The following ATP9A variants were observed in gnomAD, a reference collection of about 807,000 sequenced individuals.
The protein encoded by ATP9A is probable phospholipid-transporting ATPase IIA.
In ATP9A, 52 loss-of-function variants were observed where a neutral mutation model predicts 144.1. That is an observed-to-expected ratio of 0.36 (90% CI 0.29 to 0.45). The LOEUF (loss-of-function observed/expected upper bound fraction) is 0.45. Among genes scored for constraint, ATP9A ranks in the 20% least tolerant of loss-of-function variants. ATP9A has a pLI of 1.00. For synonymous variants in ATP9A, 582 were observed against 557.4 expected (o/e 1.04, Z -0.62); for missense variants, 947 against 1,392.7 (o/e 0.68, Z 5.09).
intron 22 of ATP9A, among the ~76,000 whole-genome samples, chr20:51,614,862 G>A (rs534953313): frequency 2.6e-5 from 4 of 152,160 alleles, no homozygotes; most frequent in African/African-American, 4.8e-5. Context: ...AGAGAGAAAC[G>A]TGTTCTACAA....
intron 18 of ATP9A, among the ~76,000 whole-genome samples, chr20:51,623,801 A>AG (rs1555829565): frequency 7.5e-6 from 1 of 133,390 alleles, no homozygotes; most frequent in Non-Finnish European, 1.5e-5. Context: ...AAAAAAAAAA[A>AG]AAAGAAAGAA....
intron 1 of ATP9A, among the ~76,000 whole-genome samples, chr20:51,746,441 G>A (rs1851095666): frequency 6.6e-6 from 1 of 152,238 alleles, no homozygotes; most frequent in African/African-American, 2.4e-5. Context: ...GCTCACGCCT[G>A]TAATCCCAGA....
chr20:51,690,671 T>G, intron 8 of ATP9A, 68 bp downstream of exon 8: 2 of 1,338,848 alleles, frequency 1.5e-6, no homozygotes, highest in Non-Finnish European at 2.1e-6. Context: ...TGTCAGTACT[T>G]CTTGGCCTTC....
At chr20:51,682,640 G>A (rs1209171768) in intron 9 of ATP9A, among the ~76,000 whole-genome samples, 5 of 122,228 alleles carry the variant, frequency 4.1e-5, no homozygotes, top group African/African-American at 1.5e-4. Flanking sequence ...GCCCAGGTTT[G>A]GGGTGCAATG....
At chr20:51,673,842 G>A (rs761266110) in intron 11 of ATP9A, among the ~76,000 whole-genome samples, 27 of 152,064 alleles carry the variant, frequency 1.8e-4, no homozygotes, top group Non-Finnish European at 3.2e-4. Context: ...CTGAGGTCAG[G>A]AGTTCAAGAC....
At chr20:51,607,664 C>T (rs955213522) in intron 25 of ATP9A, 80 bp from the exon 26 acceptor site, 25 of 1,163,908 alleles carry the variant, frequency 2.1e-5, no homozygotes, top group South Asian at 6.5e-5. Context: ...ACGTTATTCT[C>T]CCGCTAACGA....
intron 15 of ATP9A, among the ~76,000 whole-genome samples, chr20:51,637,739 T>C (rs111857796): frequency 0.014 from 2,074 of 151,184 alleles, 45 homozygotes; most frequent in African/African-American, 0.047. Context: ...GGGGAACACA[T>C]GGTGTTTGGT....
intron 11 of ATP9A, 133 bp from the exon 12 acceptor site, chr20:51,671,390 C>T: frequency 2.0e-6 from 2 of 986,114 alleles, no homozygotes; most frequent in South Asian, 3.4e-5. Flanking sequence ...ACTGCCAGAG[C>T]TGAACGCACA....
At position 51,598,245 on chromosome 20, in the gene ATP9A, CCT is replaced by C. The variant is rs760793516; in HGVS notation, c.*2964_*2965del. 1.3e-5 allele frequency: 2 copies of C among 152,012 alleles called. No homozygotes were observed. Among genetic ancestry groups the C allele is most frequent in the Admixed American group, 6.5e-5 (1 of 15,274 alleles). The allele number at this position is 152,012 out of a possible 1,614,324, so 9.4% of individuals were successfully genotyped here. On this transcript the variant is annotated 3_prime_UTR_variant, in exon 28 of 28. Transcript: ENST00000338821. ...AGAAACCAAATAGATCCTGCTTCCC[CCT>C]GTCACACAACCATCATCAAAAGACA...
chr20:51,639,073 G>A (rs1049809304), intron 15 of ATP9A, among the ~76,000 whole-genome samples: 2 of 152,100 alleles, frequency 1.3e-5, no homozygotes, highest in Non-Finnish European at 2.9e-5. Context: ...TTAAACAAAA[G>A]AGAATGAGAG....
intron 2 of ATP9A, 34 bp from the exon 3 acceptor site, chr20:51,725,966 C>A: frequency 8.0e-7 from 1 of 1,242,682 alleles, no homozygotes; most frequent in Non-Finnish European, 1.2e-6. Context: ...GAAAGACATT[C>A]AGGGCTTGTC....
chr20:51,621,960 C>A (rs2122724433), intron 19 of ATP9A, 114 bp downstream of exon 19: 1 of 898,714 alleles, frequency 1.1e-6, no homozygotes, highest in Non-Finnish European at 1.8e-6. Context: ...TGCTCCCCAC[C>A]CTAGGTAATT....
chr20:51,621,534 A>G (rs1349591256), intron 19 of ATP9A, among the ~76,000 whole-genome samples: 1 of 152,104 alleles, frequency 6.6e-6, no homozygotes, highest in Non-Finnish European at 1.5e-5. Context: ...GCAGTTCCTG[A>G]TGTGCACATT....
At chr20:51,630,767 T>A (rs1194034876) in intron 15 of ATP9A, among the ~76,000 whole-genome samples, 1 of 152,178 alleles carries the variant, frequency 6.6e-6, no homozygotes, top group Non-Finnish European at 1.5e-5. Context: ...CCCAGTCCCA[T>A]GAACACCCCC....
intron 11 of ATP9A, among the ~76,000 whole-genome samples, chr20:51,671,804 C>T (rs2426374): frequency 0.49 from 72,879 of 149,530 alleles, 18,343 homozygotes; most frequent in East Asian, 0.78. Flanking sequence ...AATTTGACTA[C>T]TTTTTTTTTT....
chr20:51,619,142 C>A (rs939003681), intron 19 of ATP9A, 99 bp from the exon 20 acceptor site: 1 of 1,023,484 alleles, frequency 9.8e-7, no homozygotes, highest in Non-Finnish European at 1.5e-6. Context: ...CAACGGCCAC[C>A]CCAGCCAAGG....
In ATP9A at chr20:51,599,727, G is replaced by A. The variant is rs2077134135; in HGVS notation, c.*1484C>T. 6.6e-6 allele frequency: 1 copy of A among 152,216 alleles called. No homozygotes were observed. Among genetic ancestry groups the A allele is most frequent in the African/African-American group, 2.4e-5 (1 of 41,440 alleles). The allele number at this position is 152,216 out of a possible 1,614,324, so 9.4% of individuals were successfully genotyped here. On this transcript the variant is annotated 3_prime_UTR_variant, in exon 28 of 28. Coordinates refer to ENST00000338821, the MANE Select transcript of ATP9A (RefSeq NM_006045.3). Reference sequence around the variant, plus strand: ...CAAGAGCAGGAGTTAGTAGGCATCAGAAACCAGGCTGTGATGTACATCTCT... The same window carrying A: ...CAAGAGCAGGAGTTAGTAGGCATCAAAAACCAGGCTGTGATGTACATCTCT...
At chr20:51,714,886 C>CA (rs1262723370) in intron 3 of ATP9A, among the ~76,000 whole-genome samples, 1 of 152,192 alleles carries the variant, frequency 6.6e-6, no homozygotes, top group African/African-American at 2.4e-5. Flanking sequence ...TTGGGAACCC[C>CA]AACTCATAAT....
chr20:51,736,529 T>C (rs112856533), intron 1 of ATP9A, among the ~76,000 whole-genome samples: 2,421 of 129,588 alleles, frequency 0.019, 26 homozygotes, highest in Non-Finnish European at 0.027. Flanking sequence ...TTTTTTTTCC[T>C]TTTTCTGGAG....
Sources: allele counts gnomAD v4.1 joint callset (sites outside exome capture counted in the v4.1 genomes callset), GRCh38; gene constraint gnomAD v4.1.1; transcripts MANE v1.5; gene names NCBI Gene and HGNC (gene_info 2026-07-23, HGNC 2026-07-21).